COL22A1: variants seen among roughly 807,000 people sequenced by gnomAD.
COL22A1 encodes collagen type XXII alpha 1 chain.
In COL22A1, 221 loss-of-function variants were observed where a neutral mutation model predicts 248.9. The ratio of observed to expected loss-of-function variants is 0.89; its 90% CI spans 0.80 to 0.99. The LOEUF (loss-of-function observed/expected upper bound fraction) is 0.99. Ranked by LOEUF, COL22A1 falls within the 50% of genes least tolerant of loss-of-function variation. COL22A1 has a pLI of 0.00. For missense variants in COL22A1, 2,240 were observed against 2,179.0 expected, an observed-to-expected ratio of 1.03 and a Z score of -0.56; for synonymous variants, 891 against 793.4, an observed-to-expected ratio of 1.12 and a Z score of -2.07.
intron 4 of COL22A1, among the ~76,000 whole-genome samples, chr8:138,836,304 G>A (rs56208831): frequency 0.017 from 2,614 of 151,698 alleles, 74 homozygotes; most frequent in African/African-American, 0.06. Context: ...GAAAGGAAAG[G>A]GAAAGGGAAA....
chr8:138,846,544 G>A (rs979877440), intron 3 of COL22A1, among the ~76,000 whole-genome samples: 3 of 152,166 alleles, frequency 2.0e-5, no homozygotes, highest in African/African-American at 7.2e-5. Context: ...CCAGGCTCGA[G>A]GGGCAGTTTA....
At position 138,660,435 on chromosome 8, in the gene COL22A1, C is replaced by A; in HGVS notation, c.3285+1G>T. On this transcript the variant is annotated splice_donor_variant, in intron 44 of 64. Transcript: ENST00000303045. LOFTEE classifies it high-confidence loss of function. ...TCATCCAGAACCATAAGATGACATA[C>A]CGGCTTGCCAGGAGGCCCTCTTTCT... The A allele has an allele frequency of 2.5e-6, 4 of 1,612,928 alleles. No homozygotes were observed. Among genetic ancestry groups the A allele is most frequent in the Non-Finnish European group, 3.4e-6 (4 of 1,178,876 alleles).
chr8:138,883,446 C>G (rs1824400762), intron 1 of COL22A1, among the ~76,000 whole-genome samples: 2 of 152,168 alleles, frequency 1.3e-5, no homozygotes, highest in African/African-American at 4.8e-5. Flanking sequence ...ACGCCTGGAT[C>G]CCCCCAGCCA....
intron 3 of COL22A1, among the ~76,000 whole-genome samples, chr8:138,846,068 G>A (rs1044046140): frequency 6.6e-6 from 1 of 152,126 alleles, no homozygotes; most frequent in Non-Finnish European, 1.5e-5. Flanking sequence ...GGCACCACCA[G>A]GTCTGACAAG....
At chr8:138,826,087 T>C (rs1033808835) in intron 6 of COL22A1, 1 of 152,530 alleles carries the variant, frequency 6.6e-6, no homozygotes. Context: ...CTTCTCATGA[T>C]GAGATTTTAT....
chr8:138,703,212 T>C, intron 31 of COL22A1, 94 bp downstream of exon 31: 1 of 1,123,474 alleles, frequency 8.9e-7, no homozygotes, highest in South Asian at 1.2e-5. Flanking sequence ...ATAGGGGAGA[T>C]ATTTAAAACT....
chr8:138,591,559 G>A, intron 63 of COL22A1, 58 bp from the exon 64 acceptor site: 3 of 1,373,944 alleles, frequency 2.2e-6, no homozygotes, highest in Non-Finnish European at 2.9e-6. Flanking sequence ...ACAGAAACTG[G>A]GCGTCCCACC....
At chr8:138,687,598 C>T (rs1188255650) in intron 37 of COL22A1, among the ~76,000 whole-genome samples, 1 of 152,216 alleles carries the variant, frequency 6.6e-6, no homozygotes, top group East Asian at 1.9e-4. Context: ...GTGATCTGCT[C>T]ACGCAGGGAG....
chr8:138,612,123 G>T (rs897200700), intron 56 of COL22A1, among the ~76,000 whole-genome samples: 7 of 151,120 alleles, frequency 4.6e-5, no homozygotes, highest in African/African-American at 1.5e-4. Flanking sequence ...TACACAAAAT[G>T]CTTCTAACAG....
At chr8:138,877,622 G>T in intron 3 of COL22A1, 128 bp downstream of exon 3, 1 of 958,524 alleles carries the variant, frequency 1.0e-6, no homozygotes, top group Non-Finnish European at 1.5e-6. Context: ...CTCAGCCTCT[G>T]CACCTGCTAC....
rs532646155 is a variant in COL22A1 at position 138,800,419 on chromosome 8, G to C, written c.1557+2453C>G. Among the ~76,000 whole-genome samples the C allele has an allele frequency of 5.9e-5, 9 of 152,258 alleles. No homozygotes were observed. In the East Asian group the frequency reaches 7.7e-4, roughly 13 times the overall value. ...AATTTCACCAGGTATTATCTTTTTG[G>C]GGGGAGTAGATTCACAGAGTTCCTC... On this transcript the variant is annotated intron_variant, in intron 11 of 64. Coordinates refer to ENST00000303045, the MANE Select transcript of COL22A1 (RefSeq NM_152888.3).
intron 25 of COL22A1, 54 bp downstream of exon 25, chr8:138,724,561 C>G: frequency 6.4e-7 from 1 of 1,562,694 alleles, no homozygotes; most frequent in Non-Finnish European, 8.8e-7. Context: ...GTGCTCCCCC[C>G]AGAGCAATGG....
At chr8:138,796,784 C>T (rs1356653090) in intron 12 of COL22A1, 35 bp downstream of exon 12, 6 of 1,465,184 alleles carry the variant, frequency 4.1e-6, no homozygotes, top group Non-Finnish European at 5.7e-6. Flanking sequence ...CTGTCCCATT[C>T]CCTTGGAGGA....
chr8:138,633,318 C>T (rs538877394), intron 49 of COL22A1, among the ~76,000 whole-genome samples: 35 of 152,334 alleles, frequency 2.3e-4, no homozygotes, highest in Admixed American at 3.9e-4. Flanking sequence ...TGGAGACAGA[C>T]AAGCTGGCTT....
intron 13 of COL22A1, among the ~76,000 whole-genome samples, 167 bp from the exon 14 acceptor site, chr8:138,779,729 C>G (rs1335119801): frequency 6.6e-6 from 1 of 152,216 alleles, no homozygotes; most frequent in Non-Finnish European, 1.5e-5. Context: ...GATGCTATTT[C>G]TATAAGCAAA....
At chr8:138,802,449 C>T (rs563605831) in intron 11 of COL22A1, among the ~76,000 whole-genome samples, 1 of 151,800 alleles carries the variant, frequency 6.6e-6, no homozygotes, top group South Asian at 2.1e-4. Context: ...GAGAATTAGA[C>T]ACAGTTGAGT....
At chr8:138,657,027 T>G (rs1007629433) in intron 44 of COL22A1, among the ~76,000 whole-genome samples, 9 of 152,204 alleles carry the variant, frequency 5.9e-5, no homozygotes, top group African/African-American at 2.2e-4. Context: ...TGCAGTGGCC[T>G]GAAACGTGCT....
In COL22A1 at chr8:138,812,826, T is replaced by C. The variant is rs920543252; in HGVS notation, c.1326+113A>G. 12 of 811,416 alleles carry C rather than the reference T, an allele frequency of 1.5e-5. No individual in the cohort carries two copies. The African/African-American group carries it at 1.7e-4, about 11-fold the overall frequency. The allele number at this position is 811,416 out of a possible 1,614,324, so 50.3% of individuals were successfully genotyped here. A position where few individuals can be genotyped will look rare whatever the true frequency, so the allele number is the denominator to read the frequency against. ...AGCTCCCTCTCAGGCCATATTCTGA[T>C]GGTGGATGTCTCCCTGACCACCAAC... On this transcript the variant is annotated intron_variant, in intron 8 of 64. Coordinates refer to ENST00000303045, the MANE Select transcript of COL22A1 (RefSeq NM_152888.3).
chr8:138,690,995 T>G, intron 35 of COL22A1, 121 bp from the exon 36 acceptor site: 3 of 718,042 alleles, frequency 4.2e-6, no homozygotes, highest in Non-Finnish European at 6.7e-6. Flanking sequence ...GCTGCTGACC[T>G]GACAGCCTCT....
Sources: gnomAD v4.1 joint callset for allele counts (sites outside exome capture counted in the v4.1 genomes callset) on GRCh38, gnomAD v4.1.1 for gene constraint, MANE v1.5 for transcripts, NCBI Gene and HGNC (gene_info 2026-07-23, HGNC 2026-07-21) for gene names.